Variants in ATP2C1 observed in about 807,000 individuals in gnomAD.
ATP2C1 encodes the protein calcium-transporting ATPase type 2C member 1.
ATP2C1 carries 31 observed loss-of-function variants against 120.5 expected under a neutral mutation model. The ratio of observed to expected loss-of-function variants is 0.26; its 90% CI spans 0.19 to 0.35. ATP2C1 has a LOEUF of 0.35. Ranked by LOEUF, ATP2C1 falls within the 10% of genes least tolerant of loss-of-function variation. The probability of loss-of-function intolerance (pLI) is 1.00; values close to 1 mark genes in which losing one functional copy is unlikely to be tolerated. For missense variants in ATP2C1, 731 were observed against 1,107.5 expected (o/e 0.66, Z 4.83); for synonymous variants, 351 against 358.7 (o/e 0.98, Z 0.24).
intron 10 of ATP2C1, among the ~76,000 whole-genome samples, chr3:130,955,455 G>A (rs1471873994): frequency 1.3e-5 from 2 of 152,130 alleles, no homozygotes; most frequent in African/African-American, 4.8e-5. Context: ...TCCAAGTAAG[G>A]GTGGCAGGGA....
rs113732614 is a variant in ATP2C1 at position 130,870,096 on chromosome 3, C to A, written c.108+19168C>A. 4.4e-3 allele frequency among the ~76,000 whole-genome samples: 665 copies of A among 152,146 alleles called. 3 individuals carry two copies. The highest frequency in any genetic ancestry group is 0.015 in the African/African-American group (630 of 41,486). Reference sequence around the variant, plus strand: ...CTTTGCTTGTGCTCTATCAATGGAACAACAGAGCCTGTAGGACAGCAGATC... The same window carrying A: ...CTTTGCTTGTGCTCTATCAATGGAAAAACAGAGCCTGTAGGACAGCAGATC... On this transcript the variant is annotated intron_variant, in intron 1 of 26. Coordinates refer to the ATP2C1 transcript ENST00000504381.
intron 26 of ATP2C1, among the ~76,000 whole-genome samples, chr3:131,015,605 G>C (rs564518876): frequency 1.1e-4 from 16 of 152,286 alleles, no homozygotes; most frequent in African/African-American, 3.6e-4. Context: ...ATCTCACTTA[G>C]AATGAAAGCT....
chr3:130,921,075 C>CTTTT (rs2058939054), intron 2 of ATP2C1, among the ~76,000 whole-genome samples: 1 of 136,800 alleles, frequency 7.3e-6, no homozygotes. Context: ...TGCGAGTTTT[C>CTTTT]TTTCTTTTTT....
chr3:130,907,921 G>A (rs1316846478), intron 2 of ATP2C1, among the ~76,000 whole-genome samples: 2 of 151,998 alleles, frequency 1.3e-5, no homozygotes. Flanking sequence ...TGAGTACTAT[G>A]TTTGGGTGTG....
At chr3:130,936,744 G>C (rs2059687565) in intron 5 of ATP2C1, among the ~76,000 whole-genome samples, 1 of 148,530 alleles carries the variant, frequency 6.7e-6, no homozygotes, top group African/African-American at 2.5e-5. Context: ...GTGAACCCCG[G>C]AGGCGGAGCT....
At chr3:130,956,350 T>C (rs1022720017) in intron 11 of ATP2C1, among the ~76,000 whole-genome samples, 171 bp downstream of exon 11, 1 of 152,076 alleles carries the variant, frequency 6.6e-6, no homozygotes, top group African/African-American at 2.4e-5. Flanking sequence ...AAAGAAAAAA[T>C]AGAACTCTGA....
At chr3:130,998,444 C>A in intron 26 of ATP2C1, 55 bp downstream of exon 26, 1 of 1,315,274 alleles carries the variant, frequency 7.6e-7, no homozygotes, top group Non-Finnish European at 1.1e-6. Context: ...GAGTAGAGTG[C>A]TTTCTAATAA....
At chr3:130,947,045 C>T (rs1314209386) in intron 8 of ATP2C1, among the ~76,000 whole-genome samples, 1 of 152,142 alleles carries the variant, frequency 6.6e-6, no homozygotes, top group Non-Finnish European at 1.5e-5. Context: ...AATGAATTGA[C>T]CATGTGAGCC....
At chr3:130,861,081 C>A (rs1213049105) in intron 1 of ATP2C1, among the ~76,000 whole-genome samples, 1 of 152,126 alleles carries the variant, frequency 6.6e-6, no homozygotes, top group African/African-American at 2.4e-5. Context: ...ACCAGCCTGA[C>A]AACATGGTGA....
At chr3:130,881,324 C>T (rs2068772075) in intron 1 of ATP2C1, among the ~76,000 whole-genome samples, 1 of 151,652 alleles carries the variant, frequency 6.6e-6, no homozygotes, top group Admixed American at 6.6e-5. Context: ...TTAAGACCTC[C>T]TTTTCTTTTT....
chr3:130,903,144 T>G (rs2057946311), intron 2 of ATP2C1, among the ~76,000 whole-genome samples: 1 of 152,126 alleles, frequency 6.6e-6, no homozygotes, highest in South Asian at 2.1e-4. Flanking sequence ...ATGTACGTTT[T>G]ATTAATTGCA....
chr3:130,972,622 C>CG (rs1553773407), intron 17 of ATP2C1, among the ~76,000 whole-genome samples: 1 of 114,748 alleles, frequency 8.7e-6, no homozygotes, highest in Non-Finnish European at 1.7e-5. Context: ...ATCCCTCCCC[C>CG]TCCCCCCACC....
chr3:130,961,412 T>A (rs2060813407), intron 12 of ATP2C1, among the ~76,000 whole-genome samples: 1 of 152,062 alleles, frequency 6.6e-6, no homozygotes, highest in African/African-American at 2.4e-5. Flanking sequence ...TGGAATCTTT[T>A]ATAAGTATAA....
At chr3:130,916,390 T>G (rs2058692572) in intron 2 of ATP2C1, among the ~76,000 whole-genome samples, 1 of 152,102 alleles carries the variant, frequency 6.6e-6, no homozygotes, top group African/African-American at 2.4e-5. Context: ...CACTCCAGCC[T>G]GGGCAACAGA....
At chr3:130,979,545 C>G in intron 19 of ATP2C1, 126 bp downstream of exon 19, 5 of 1,078,448 alleles carry the variant, frequency 4.6e-6, no homozygotes, top group Non-Finnish European at 6.8e-6. Flanking sequence ...GAAATCGACT[C>G]ATGGTTTTGC....
chr3:130,974,073 A>G (rs1245085941), intron 17 of ATP2C1, among the ~76,000 whole-genome samples: 2 of 152,198 alleles, frequency 1.3e-5, no homozygotes, highest in African/African-American at 4.8e-5. Flanking sequence ...CAGTAATAAT[A>G]TAGAGGTAAT....
chr3:130,924,301 G>C (rs2059105364), intron 2 of ATP2C1, among the ~76,000 whole-genome samples: 1 of 152,132 alleles, frequency 6.6e-6, no homozygotes, highest in Non-Finnish European at 1.5e-5. Flanking sequence ...TTGTTTGTCT[G>C]ATAAAGACTT....
rs1056209657 is a variant in ATP2C1, at chr3:130,924,880, G to A, written c.7-5536G>A. 6.6e-5 allele frequency among the ~76,000 whole-genome samples: 10 copies of A among 151,854 alleles called. No individual in the cohort carries two copies. The East Asian group carries it at 7.7e-4, about 12-fold the overall frequency. On this transcript the variant is annotated intron_variant, in intron 2 of 27. Transcript: ENST00000510168. ...TTCTATTGCTGAGACTTCCCAGTGCGTTTGGCATTTCTCTAAGTGTGTCCT... is the reference window on the plus strand; with the variant it reads ...TTCTATTGCTGAGACTTCCCAGTGCATTTGGCATTTCTCTAAGTGTGTCCT...
chr3:130,968,436 A>G (rs1333951752), intron 16 of ATP2C1, among the ~76,000 whole-genome samples: 1 of 152,190 alleles, frequency 6.6e-6, no homozygotes. Flanking sequence ...GTCACATATA[A>G]GATAAGAACA....
Sources: allele counts gnomAD v4.1 joint callset (sites outside exome capture counted in the v4.1 genomes callset), GRCh38; gene constraint gnomAD v4.1.1; transcripts MANE v1.5; gene names NCBI Gene and HGNC (gene_info 2026-07-23, HGNC 2026-07-21).